The following XKR9 variants were observed in gnomAD, a reference collection of about 807,000 sequenced individuals.
The protein encoded by XKR9 is XK-related protein 9.
In XKR9, 32 loss-of-function variants were observed where a neutral mutation model predicts 32.0. The ratio of observed to expected loss-of-function variants is 1.00; its 90% CI spans 0.76 to 1.34. XKR9 has a LOEUF of 1.34. XKR9 is among the 40% of genes most tolerant of loss of function. The pLI is 0.00. For missense variants in XKR9, 546 were observed against 429.7 expected (o/e 1.27, Z -2.39); for synonymous variants, 168 against 143.4 (o/e 1.17, Z -1.22).
chr8:71,021,743 C>T, the XKR9 span, among the ~76,000 whole-genome samples: 5 of 151,990 alleles, frequency 3.3e-5, no homozygotes, highest in East Asian at 1.9e-4. Context: ...CCTCGTGATC[C>T]GCCCGTCTCG....
chr8:70,950,215 TTGGTGGG>T, the XKR9 span, among the ~76,000 whole-genome samples: 1 of 152,082 alleles, frequency 6.6e-6, no homozygotes, highest in Non-Finnish European at 1.5e-5. Context: ...AGCTTACAAC[TTGGTGGG>T]GGAAGACAGA....
At chr8:70,895,845 A>G in the XKR9 span, among the ~76,000 whole-genome samples, 2 of 151,678 alleles carry the variant, frequency 1.3e-5, no homozygotes, top group African/African-American at 4.8e-5. Flanking sequence ...AAAAGAAAAA[A>G]AAATTAGCCG....
At chr8:70,813,049 A>G in the XKR9 span, among the ~76,000 whole-genome samples, 2 of 152,172 alleles carry the variant, frequency 1.3e-5, no homozygotes, top group African/African-American at 4.8e-5. Flanking sequence ...ACTATACTAC[A>G]AGGCTACAGT....
the XKR9 span, among the ~76,000 whole-genome samples, chr8:70,805,116 G>A: frequency 6.6e-6 from 1 of 152,178 alleles, no homozygotes; most frequent in South Asian, 2.1e-4. Flanking sequence ...TAGGAGGCTG[G>A]CATGATCTGT....
intron 3 of XKR9, among the ~76,000 whole-genome samples, chr8:70,694,833 C>T (rs1221713459): frequency 6.6e-6 from 1 of 152,198 alleles, no homozygotes; most frequent in Non-Finnish European, 1.5e-5. Context: ...GTCTAACATC[C>T]TACTTTGCCA....
intron 2 of XKR9, among the ~76,000 whole-genome samples, chr8:70,752,674 A>T (rs573238231): frequency 3.9e-5 from 6 of 152,342 alleles, no homozygotes; most frequent in African/African-American, 1.4e-4. Context: ...AGTCCAATTT[A>T]TCAGTTTTTT....
rs1324819616 is a variant in XKR9 at position 70,707,138 on chromosome 8, G to A, written c.478G>A (p.Ala160Thr). The A allele has an allele frequency of 3.1e-6, 5 of 1,612,540 alleles. No individual in the cohort carries two copies. Among genetic ancestry groups the A allele is most frequent in the Admixed American group, 1.7e-5 (1 of 59,966 alleles). Residue 160 changes from alanine to threonine, a missense_variant, in exon 4 of 5, where the codon GCG becomes ACG. Physicochemically the swap from Ala to Thr is moderately conservative, Grantham distance 58. Transcript: ENST00000408926. ...CTACATTCTTCTGGAGCATGGACAA[G>A]CGAATTTCAGTCAGTGTAAGTTTTT... ...QLYILLEHGQ[A>T]NFSQYAAIMV...
At chr8:70,820,443 T>C in the XKR9 span, among the ~76,000 whole-genome samples, 8 of 152,136 alleles carry the variant, frequency 5.3e-5, no homozygotes, top group African/African-American at 9.7e-5. Context: ...CTTACAGTCA[T>C]GTTGGAAGGC....
chr8:70,735,116 AAAC>A lies in XKR9; in HGVS notation c.*694_*696del, dbSNP rs1806822052. 1 of 152,026 alleles carries A rather than the reference AAAC, an allele frequency of 6.6e-6. No individual in the cohort carries two copies. The allele number at this position is 152,026 out of a possible 1,614,324, so 9.4% of individuals were successfully genotyped here. The stretch of plus-strand genomic sequence containing the variant: ...TTTTATTTTTAAAAAATTATGGTAA[AAAC>A]ATATAAAATTTACCATCTTAATCAC... On this transcript the variant is annotated 3_prime_UTR_variant, in exon 5 of 5. Coordinates refer to ENST00000408926, the MANE Select transcript of XKR9 (RefSeq NM_001011720.2).
chr8:70,721,469 T>C (rs186274615), intron 4 of XKR9, among the ~76,000 whole-genome samples: 23 of 152,324 alleles, frequency 1.5e-4, no homozygotes, highest in African/African-American at 5.1e-4. Flanking sequence ...AAACACTGTT[T>C]TAGCTGTGTC....
chr8:70,691,786 A>G (rs1343080924), intron 3 of XKR9, among the ~76,000 whole-genome samples: 1 of 152,142 alleles, frequency 6.6e-6, no homozygotes, highest in Admixed American at 6.5e-5. Context: ...CTGTTTTTGT[A>G]CTGGTACCAT....
At chr8:70,716,439 G>T (rs78322467) in intron 4 of XKR9, among the ~76,000 whole-genome samples, 49,837 of 151,626 alleles carry the variant, frequency 0.33, 9,290 homozygotes, top group Non-Finnish European at 0.43. Context: ...GCGGTGGGGG[G>T]CCTTAGAAAA....
the XKR9 span, among the ~76,000 whole-genome samples, chr8:70,911,271 C>A: frequency 6.6e-6 from 1 of 152,158 alleles, no homozygotes; most frequent in Non-Finnish European, 1.5e-5. Flanking sequence ...TACTTATATC[C>A]TAATACAAGT....
chr8:71,026,596 G>A, the XKR9 span, among the ~76,000 whole-genome samples: 4 of 152,314 alleles, frequency 2.6e-5, no homozygotes, highest in South Asian at 4.1e-4. Context: ...AATCAAATGC[G>A]TTGGAGTTAT....
At chr8:70,805,776 A>G in the XKR9 span, among the ~76,000 whole-genome samples, 1 of 152,114 alleles carries the variant, frequency 6.6e-6, no homozygotes, top group Admixed American at 6.5e-5. Context: ...CCCCTAGGGG[A>G]AGGAGTACCT....
the XKR9 span, among the ~76,000 whole-genome samples, chr8:70,882,901 C>T: frequency 2.7e-5 from 4 of 149,194 alleles, no homozygotes; most frequent in Non-Finnish European, 5.9e-5. Flanking sequence ...TCCTAAATCC[C>T]CCTGTGCTTT....
intron 2 of XKR9, among the ~76,000 whole-genome samples, chr8:70,745,570 G>A (rs1384595745): frequency 1.3e-5 from 2 of 152,248 alleles, no homozygotes; most frequent in South Asian, 2.1e-4. Context: ...ATTAGGTAGG[G>A]CTTGAAATTT....
the XKR9 span, among the ~76,000 whole-genome samples, chr8:70,891,562 GC>G: frequency 6.6e-6 from 1 of 151,786 alleles, no homozygotes; most frequent in South Asian, 2.1e-4. Context: ...GACATTCATA[GC>G]ACATTGTTTA....
chr8:71,063,315 C>T, the XKR9 span, among the ~76,000 whole-genome samples: 1 of 152,020 alleles, frequency 6.6e-6, no homozygotes, highest in Non-Finnish European at 1.5e-5. Context: ...CACACTTGTA[C>T]CATTCACACG....
Sources: allele counts gnomAD v4.1 joint callset (sites outside exome capture counted in the v4.1 genomes callset), GRCh38; gene constraint gnomAD v4.1.1; transcripts MANE v1.5; gene names NCBI Gene and HGNC (gene_info 2026-07-23, HGNC 2026-07-21).